CBR4: variants seen among roughly 807,000 people sequenced by gnomAD.
The protein encoded by CBR4 is carbonyl reductase 4, also known as 3-oxoacyl-[acyl-carrier-protein] reductase.
CBR4 carries 22 observed loss-of-function variants against 21.0 expected under a neutral mutation model. That is an observed-to-expected ratio of 1.05 (90% CI 0.75 to 1.50). The LOEUF is 1.50. Ranked by LOEUF, CBR4 falls within the 40% of genes most tolerant of loss-of-function variation. The probability of loss-of-function intolerance (pLI) is 0.00; values close to 1 mark genes in which losing one functional copy is unlikely to be tolerated. For missense variants in CBR4, 302 were observed against 286.3 expected (o/e 1.05, Z -0.40); for synonymous variants, 100 against 104.4 (o/e 0.96, Z 0.26).
intron 3 of CBR4, among the ~76,000 whole-genome samples, chr4:169,003,110 T>C (rs1192059780): frequency 1.3e-5 from 2 of 152,232 alleles, no homozygotes; most frequent in East Asian, 3.8e-4. Context: ...TAATTCTGAC[T>C]TTCAAGTCTT....
At chr4:168,919,216 A>G (rs1445937722) in intron 2 of CBR4, among the ~76,000 whole-genome samples, 1 of 152,104 alleles carries the variant, frequency 6.6e-6, no homozygotes, top group Non-Finnish European at 1.5e-5. Flanking sequence ...TGATGATCTG[A>G]CCTGGATAAA....
intron 3 of CBR4, chr4:169,005,358 C>T (rs931367477): frequency 2.0e-5 from 3 of 152,246 alleles, no homozygotes; most frequent in Non-Finnish European, 4.4e-5. Context: ...GAAAAAAAAA[C>T]ACAAGCTGCT....
At chr4:168,915,859 A>C (rs777401617) in intron 2 of CBR4, 1 of 1,569,428 alleles carries the variant, frequency 6.4e-7, no homozygotes, top group South Asian at 1.1e-5. Flanking sequence ...ACTACTATCT[A>C]TATTTCTATC....
chr4:168,974,055 T>G (rs1448605120), intron 2 of CBR4, among the ~76,000 whole-genome samples: 2 of 152,222 alleles, frequency 1.3e-5, no homozygotes, highest in African/African-American at 2.4e-5. Context: ...TATTTTGGTG[T>G]ATTTCAAGAT....
intron 2 of CBR4, among the ~76,000 whole-genome samples, chr4:168,934,106 A>C (rs996431606): frequency 6.6e-6 from 1 of 151,998 alleles, no homozygotes; most frequent in Non-Finnish European, 1.5e-5. Flanking sequence ...AATCTAGGAA[A>C]AAACTGGGCA....
chr4:168,898,086 A>G (rs962514538), intron 2 of CBR4: 6 of 227,706 alleles, frequency 2.6e-5, no homozygotes, highest in South Asian at 6.8e-5. Context: ...CACATGTACT[A>G]TGTGGAGAGA....
intron 2 of CBR4, among the ~76,000 whole-genome samples, chr4:168,902,516 C>CT (rs1392857276): frequency 1.3e-5 from 2 of 152,092 alleles, no homozygotes; most frequent in Non-Finnish European, 2.9e-5. Context: ...GTGGCTCACA[C>CT]TTGTAATCCC....
chr4:168,923,134 A>C (rs1369100486), intron 2 of CBR4, among the ~76,000 whole-genome samples: 2 of 152,218 alleles, frequency 1.3e-5, no homozygotes, highest in Non-Finnish European at 2.9e-5. Flanking sequence ...TATGACATTA[A>C]GACTTGTTTT....
At chr4:168,952,898 G>A (rs1732509964) in intron 2 of CBR4, among the ~76,000 whole-genome samples, 1 of 152,230 alleles carries the variant, frequency 6.6e-6, no homozygotes, top group Non-Finnish European at 1.5e-5. Context: ...TTGGCCTCCT[G>A]CCAGGAGGTG....
intron 2 of CBR4, among the ~76,000 whole-genome samples, chr4:168,921,217 C>A (rs1761419031): frequency 6.6e-6 from 1 of 151,806 alleles, no homozygotes; most frequent in Admixed American, 6.6e-5. Flanking sequence ...ACCAGCCCGG[C>A]CAACATAGTG....
chr4:168,921,193 G>A (rs1045504856), intron 2 of CBR4, among the ~76,000 whole-genome samples: 2 of 151,906 alleles, frequency 1.3e-5, no homozygotes, highest in Non-Finnish European at 2.9e-5. Flanking sequence ...ATCACCTGAG[G>A]TCAGGAGTTC....
chr4:168,914,135 T>A, intron 2 of CBR4: 1 of 746,544 alleles, frequency 1.3e-6, no homozygotes, highest in South Asian at 1.5e-5. Flanking sequence ...GAAGATAGAA[T>A]AGGAATGCAA....
In CBR4 at chr4:168,967,774, A is replaced by G. The variant is rs150377626; in HGVS notation, n.169+34297T>C. ...TCAAACAAACAAAAACTGATAGACC[A>G]TGGTATTGAGAGAAATTCTAGAGTG... On this transcript the variant is annotated intron_variant and non_coding_transcript_variant, in intron 2 of 3. Coordinates refer to the CBR4 transcript ENST00000509108. Among the ~76,000 whole-genome samples, 261 of 152,332 alleles carry G rather than the reference A, an allele frequency of 1.7e-3. 1 individual carries two copies. Among genetic ancestry groups the G allele is most frequent in the African/African-American group, 5.8e-3 (243 of 41,578 alleles).
At chr4:168,981,828 A>G (rs1352218430) in intron 2 of CBR4, among the ~76,000 whole-genome samples, 1 of 152,224 alleles carries the variant, frequency 6.6e-6, no homozygotes. Context: ...TCATAAGTGA[A>G]GGAAAAATTA....
chr4:168,915,363 C>T (rs1468954524), intron 2 of CBR4, among the ~76,000 whole-genome samples: 3 of 152,164 alleles, frequency 2.0e-5, no homozygotes, highest in African/African-American at 7.2e-5. Context: ...TGTACAATCT[C>T]ATTTTTTAAA....
At chr4:168,935,665 G>T (rs1763091839) in intron 2 of CBR4, among the ~76,000 whole-genome samples, 1 of 152,176 alleles carries the variant, frequency 6.6e-6, no homozygotes. Context: ...AATGGGCAGA[G>T]CCCACCACAG....
rs113324854 is a variant in CBR4, at chr4:168,944,194, T to C, written n.170-49429A>G. On this transcript the variant is annotated intron_variant and non_coding_transcript_variant, in intron 2 of 3. Transcript: ENST00000509108. ...GTGTAGTGGTTCACACCTGTAATCC[T>C]ACCACTTTGGGAGGCCGAAGTGGGA... is the stretch of plus-strand genomic sequence containing the variant. Among the ~76,000 whole-genome samples, 148 of 152,198 alleles carry C rather than the reference T, an allele frequency of 9.7e-4. 1 individual carries two copies. The highest frequency in any genetic ancestry group is 3.4e-3 in the African/African-American group (143 of 41,564).
chr4:168,917,490 A>C (rs1003650388), intron 2 of CBR4, among the ~76,000 whole-genome samples: 1 of 152,154 alleles, frequency 6.6e-6, no homozygotes, highest in Non-Finnish European at 1.5e-5. Context: ...TATTTAAGAA[A>C]CACTGCTCTA....
intron 2 of CBR4, among the ~76,000 whole-genome samples, chr4:168,905,778 T>C (rs912955700): frequency 5.5e-5 from 8 of 146,278 alleles, no homozygotes; most frequent in Non-Finnish European, 1.5e-5. Flanking sequence ...AAAGCGGAAC[T>C]TGCTTTTTTT....
Sources: gnomAD v4.1 joint callset for allele counts (sites outside exome capture counted in the v4.1 genomes callset) on GRCh38, gnomAD v4.1.1 for gene constraint, MANE v1.5 for transcripts, NCBI Gene and HGNC (gene_info 2026-07-23, HGNC 2026-07-21) for gene names.